Variants in ZFHX4 observed in about 807,000 individuals in gnomAD.
ZFHX4 encodes zinc finger homeobox protein 4.
Under a neutral mutation model 267.6 loss-of-function variants are expected in ZFHX4, and 56 were observed. The ratio of observed to expected loss-of-function variants is 0.21; its 90% CI spans 0.17 to 0.26. ZFHX4 has a LOEUF of 0.26. Among genes scored for constraint, ZFHX4 ranks in the 10% least tolerant of loss-of-function variants. The pLI is 1.00. For synonymous variants in ZFHX4, 1,778 were observed against 1,665.6 expected (o/e 1.07, Z -1.64); for missense variants, 4,332 against 4,420.0 (o/e 0.98, Z 0.56).
intron 10 of ZFHX4, among the ~76,000 whole-genome samples, chr8:76,858,294 T>C (rs541780049): frequency 2.0e-3 from 309 of 152,332 alleles, no homozygotes; most frequent in African/African-American, 7.0e-3. Flanking sequence ...CTCCCAAAAA[T>C]ACAGGCCCTA....
rs761773056 is a variant in ZFHX4 at position 76,863,557 on chromosome 8, A to G, written c.9843A>G (p.Thr3281=). The stretch of plus-strand genomic sequence containing the variant: ...ATTTTACACCTCAGCTCCCTGGAAC[A>G]GTGCAGGGGGGATACTTCCCACCTG... ...ASYFTPQLPG[T]VQGGYFPPVC... Residue 3281 remains threonine (T), a synonymous_variant, in exon 11 of 11, where the codon ACA becomes ACG. Transcript: ENST00000651372. 4 of 1,613,752 alleles carry G rather than the reference A, an allele frequency of 2.5e-6. No homozygotes were observed. In the South Asian group the frequency reaches 4.4e-5, roughly 18 times the overall value.
rs2131564863 is a variant in ZFHX4 at position 76,681,727 on chromosome 8, C to T, written c.-47+107C>T. ...CACAATCTTTGATATTTCGCTCCCT[C>T]TCTCTCCCTCTCCGCCTCTCTTCCT... On this transcript the variant is annotated intron_variant, in intron 1 of 10. Coordinates refer to ENST00000651372, the MANE Select transcript of ZFHX4 (RefSeq NM_024721.5). 8.5e-6 allele frequency: 3 copies of T among 351,098 alleles called. No individual in the cohort carries two copies. The Middle Eastern group carries it at 2.2e-3, about 255-fold the overall frequency. The allele number at this position is 351,098 out of a possible 1,614,324, so 21.7% of individuals were successfully genotyped here. A position where few individuals can be genotyped will look rare whatever the true frequency, so the allele number is the denominator to read the frequency against.
intron 4 of ZFHX4, among the ~76,000 whole-genome samples, chr8:76,787,474 T>C (rs1468534689): frequency 1.3e-5 from 2 of 151,764 alleles, no homozygotes; most frequent in African/African-American, 2.4e-5. Context: ...TTGGCTGAGA[T>C]GCATGGTACT....
At chr8:76,841,890 G>A (rs914510574) in intron 5 of ZFHX4, among the ~76,000 whole-genome samples, 9 of 152,140 alleles carry the variant, frequency 5.9e-5, no homozygotes, top group African/African-American at 1.4e-4. Flanking sequence ...GGCCTTTCAC[G>A]GATTAGTGCT....
At chr8:76,690,399 A>C (rs1362930901) in intron 1 of ZFHX4, among the ~76,000 whole-genome samples, 1 of 152,070 alleles carries the variant, frequency 6.6e-6, no homozygotes. Flanking sequence ...AACAAAATGA[A>C]ACATAACTTC....
At chr8:76,732,612 A>AGCAT (rs1809050906) in intron 3 of ZFHX4, among the ~76,000 whole-genome samples, 1 of 152,192 alleles carries the variant, frequency 6.6e-6, no homozygotes, top group Admixed American at 6.5e-5. Context: ...AGCACAGAGA[A>AGCAT]AATGCCTTAG....
chr8:76,723,242 G>C (rs1808770282), intron 3 of ZFHX4, among the ~76,000 whole-genome samples: 1 of 151,812 alleles, frequency 6.6e-6, no homozygotes, highest in Non-Finnish European at 1.5e-5. Flanking sequence ...TTTTGCCTTT[G>C]GTATGATACA....
intron 3 of ZFHX4, among the ~76,000 whole-genome samples, chr8:76,767,281 G>A (rs1810077239): frequency 6.6e-6 from 1 of 152,168 alleles, no homozygotes; most frequent in Non-Finnish European, 1.5e-5. Flanking sequence ...TTTATTCAAT[G>A]AGATTTGGTT....
rs73693408 is a variant in ZFHX4 at position 76,770,112 on chromosome 8, C to A, written c.3094-8096C>A. On this transcript the variant is annotated intron_variant, in intron 3 of 10. Coordinates refer to ENST00000651372, the MANE Select transcript of ZFHX4 (RefSeq NM_024721.5). ...AACTCTTTTCAAAGTTTTTCTGGAC[C>A]TGAGGTGACACAGGTTCTGTTAAAA... 5.2e-3 allele frequency among the ~76,000 whole-genome samples: 797 copies of A among 152,262 alleles called. 6 individuals carry two copies. Among genetic ancestry groups the A allele is most frequent in the African/African-American group, 0.018 (743 of 41,556 alleles).
chr8:76,837,073 A>C (rs1812111105), intron 5 of ZFHX4, among the ~76,000 whole-genome samples: 1 of 152,114 alleles, frequency 6.6e-6, no homozygotes, highest in Admixed American at 6.6e-5. Context: ...ACTAAACTAG[A>C]TAGACTTTTT....
Position 76,863,218 on chromosome 8 carries a change from T to C in ZFHX4, c.9504T>C (p.Pro3168=). Residue 3168 remains proline (P), a synonymous_variant, in exon 11 of 11, where the codon CCT becomes CCC. Transcript: ENST00000651372. ...AGACTCCACCACCTCCACCACCTCC[T>C]CCTCCTCCTCCTCCTTCATCCTCTC... ...LLQTPPPPPP[P]PPPPPSSSLS... 5 of 1,578,596 alleles carry C rather than the reference T, an allele frequency of 3.2e-6. No homozygotes were observed. Among genetic ancestry groups the C allele is most frequent in the Non-Finnish European group, 4.3e-6 (5 of 1,161,880 alleles).
Position 76,858,349 on chromosome 8 carries a change from C to T in ZFHX4, c.9379+2049C>T, listed in dbSNP as rs572141648. On this transcript the variant is annotated intron_variant, in intron 10 of 10. Transcript: ENST00000651372. The stretch of plus-strand genomic sequence containing the variant: ...GAAGATGTTGGAGGCAGTCACACCA[C>T]GGATAGGAGTATCTTTAAACACACA... 5.3e-4 allele frequency among the ~76,000 whole-genome samples: 81 copies of T among 152,302 alleles called. 1 individual carries two copies. In the Middle Eastern group the frequency reaches 0.01, roughly 19 times the overall value.
At chr8:76,778,923 TC>T (rs1457654478) in intron 4 of ZFHX4, among the ~76,000 whole-genome samples, 3 of 152,192 alleles carry the variant, frequency 2.0e-5, no homozygotes, top group Non-Finnish European at 4.4e-5. Context: ...ATACAATAAT[TC>T]CAATGTTAAT....
intron 3 of ZFHX4, among the ~76,000 whole-genome samples, chr8:76,728,783 C>A (rs1487210536): frequency 6.6e-6 from 1 of 152,062 alleles, no homozygotes; most frequent in Non-Finnish European, 1.5e-5. Context: ...GAAGTGATTA[C>A]CCTGAATTAT....
In ZFHX4 at chr8:76,865,730, G is replaced by A. The variant is rs371118918; in HGVS notation, c.*1165G>A. ...AAAATAAAAAGGGGACTAAAAATTT[G>A]TTTTGTATAAAGAGGTTAGCCCTGC... is the stretch of plus-strand genomic sequence containing the variant. On this transcript the variant is annotated 3_prime_UTR_variant, in exon 11 of 11. Transcript: ENST00000651372. 2.0e-5 allele frequency: 3 copies of A among 152,498 alleles called. No homozygotes were observed. Among genetic ancestry groups the A allele is most frequent in the African/African-American group, 7.2e-5 (3 of 41,420 alleles). 9.4% of individuals were successfully genotyped at this position (152,498 alleles called of 1,614,324 possible). A position where few individuals can be genotyped will look rare whatever the true frequency, so the allele number is the denominator to read the frequency against.
At chr8:76,776,881 G>A (rs1268807294) in intron 3 of ZFHX4, among the ~76,000 whole-genome samples, 1 of 151,960 alleles carries the variant, frequency 6.6e-6, no homozygotes, top group Admixed American at 6.6e-5. Flanking sequence ...TCACCAGCTA[G>A]TTATTCTTTT....
chr8:76,738,274 G>C (rs1256793606), intron 3 of ZFHX4, among the ~76,000 whole-genome samples: 1 of 152,100 alleles, frequency 6.6e-6, no homozygotes, highest in Non-Finnish European at 1.5e-5. Flanking sequence ...TCGTCTGATG[G>C]TGCTCACACA....
At chr8:76,715,240 C>T (rs1240782373) in intron 3 of ZFHX4, among the ~76,000 whole-genome samples, 11 of 151,916 alleles carry the variant, frequency 7.2e-5, no homozygotes, top group Admixed American at 7.2e-4. Context: ...CGCCTGTGAT[C>T]CCAGCACTTT....
chr8:76,759,563 G>C (rs1372113342), intron 3 of ZFHX4, among the ~76,000 whole-genome samples: 6 of 152,184 alleles, frequency 3.9e-5, no homozygotes, highest in Non-Finnish European at 8.8e-5. Flanking sequence ...AAAGATTTGA[G>C]CACTCCATTA....
Sources: gnomAD v4.1 joint callset for allele counts (sites outside exome capture counted in the v4.1 genomes callset) on GRCh38, gnomAD v4.1.1 for gene constraint, MANE v1.5 for transcripts, NCBI Gene and HGNC (gene_info 2026-07-23, HGNC 2026-07-21) for gene names.